TRPC4: variants seen among roughly 807,000 people sequenced by gnomAD.
TRPC4 encodes the protein transient receptor potential cation channel subfamily C member 4.
Under a neutral mutation model 99.4 loss-of-function variants are expected in TRPC4, and 49 were observed. The ratio of observed to expected loss-of-function variants is 0.49; its 90% CI spans 0.39 to 0.63. The LOEUF is 0.63. Ranked by LOEUF, TRPC4 falls within the 20% of genes least tolerant of loss-of-function variation. TRPC4 has a pLI of 0.00. For missense variants in TRPC4, 898 were observed against 1,152.9 expected, an observed-to-expected ratio of 0.78 and a Z score of 3.20; for synonymous variants, 454 against 425.9, an observed-to-expected ratio of 1.07 and a Z score of -0.81.
At chr13:37,778,432 T>C (rs1956761971) in intron 2 of TRPC4, among the ~76,000 whole-genome samples, 1 of 151,962 alleles carries the variant, frequency 6.6e-6, no homozygotes, top group African/African-American at 2.4e-5. Context: ...AGTATTAATA[T>C]TGTTGTTATT....
At chr13:37,792,974 AG>A (rs895325662) in intron 1 of TRPC4, among the ~76,000 whole-genome samples, 19 of 152,138 alleles carry the variant, frequency 1.2e-4, no homozygotes, top group Non-Finnish European at 2.4e-4. Flanking sequence ...TGTCTGTGTG[AG>A]GGAAAAAGCC....
chr13:37,730,736 T>C (rs1268794322), intron 3 of TRPC4, among the ~76,000 whole-genome samples: 2 of 152,064 alleles, frequency 1.3e-5, no homozygotes, highest in Admixed American at 6.6e-5. Flanking sequence ...ATATGCATTG[T>C]ATTTCTAAAC....
At position 37,639,054 on chromosome 13, in the gene TRPC4, C is replaced by T. The variant is rs751051991; in HGVS notation, c.2197G>A (p.Glu733Lys). 3.1e-6 allele frequency: 5 copies of T among 1,613,508 alleles called. No homozygotes were observed. The highest frequency in any genetic ancestry group is 1.7e-5 in the Admixed American group (1 of 59,984). ...AAAATGGTTACCTTAAAGTTCTCTT[C>T]GGTCAGGCCTTCTTCAGTTTTAGCA... is the stretch of plus-strand genomic sequence containing the variant. Reference protein sequence around the residue: ...RDAKTEEGLTEENFKELKQDI... With the variant: ...RDAKTEEGLTKENFKELKQDI... The change falls in exon 10 of 11, where the codon GAA becomes AAA. Residue 733 changes from glutamate (E) to lysine (K), a missense_variant. Coordinates refer to ENST00000379705, the MANE Select transcript of TRPC4 (RefSeq NM_016179.4).
intron 3 of TRPC4, among the ~76,000 whole-genome samples, chr13:37,745,438 A>G (rs4463964): frequency 0.092 from 1,471 of 15,944 alleles, 41 homozygotes; most frequent in African/African-American, 0.15. Flanking sequence ...ATATATGCGT[A>G]TATATATATA....
At chr13:37,766,658 G>A (rs1182881628) in intron 2 of TRPC4, among the ~76,000 whole-genome samples, 5 of 151,360 alleles carry the variant, frequency 3.3e-5, no homozygotes, top group African/African-American at 1.2e-4. Context: ...TGGCTATTAT[G>A]ATTGGCTAAC....
chr13:37,787,919 A>C (rs1182553072), intron 1 of TRPC4, among the ~76,000 whole-genome samples: 1 of 152,030 alleles, frequency 6.6e-6, no homozygotes, highest in East Asian at 1.9e-4. Context: ...TTATTTTCTC[A>C]TCTTCTTTGC....
intron 4 of TRPC4, among the ~76,000 whole-genome samples, chr13:37,679,917 A>AT (rs1035999445): frequency 6.6e-6 from 1 of 152,150 alleles, no homozygotes; most frequent in Non-Finnish European, 1.5e-5. Flanking sequence ...CTTGGCACAC[A>AT]TTTTTTTCCA....
chr13:37,818,421 TAC>T (rs1957923469), intron 1 of TRPC4, among the ~76,000 whole-genome samples: 1 of 152,016 alleles, frequency 6.6e-6, no homozygotes, highest in Admixed American at 6.6e-5. Flanking sequence ...GAACCAGAAA[TAC>T]CATTTGACCC....
In TRPC4 at chr13:37,651,504, C is replaced by T. The variant is rs747494045; in HGVS notation, c.1885-45G>A. The T allele has an allele frequency of 3.9e-6, 6 of 1,537,834 alleles. No homozygotes were observed. The East Asian group carries it at 1.1e-4, about 29-fold the overall frequency. ...AACTGATGATAGGTTCCTTAATTAA[C>T]AAGGTACCATAAATCTCACAGAGAT... On this transcript the variant is annotated intron_variant, in intron 7 of 10. Coordinates refer to ENST00000379705, the MANE Select transcript of TRPC4 (RefSeq NM_016179.4).
intron 1 of TRPC4, among the ~76,000 whole-genome samples, chr13:37,803,839 T>C (rs1566182840): frequency 6.6e-6 from 1 of 152,082 alleles, no homozygotes; most frequent in Non-Finnish European, 1.5e-5. Flanking sequence ...GCTCCAAGGC[T>C]GGAAGGAACT....
intron 3 of TRPC4, among the ~76,000 whole-genome samples, chr13:37,740,701 T>C (rs1323404148): frequency 6.6e-6 from 1 of 152,202 alleles, no homozygotes; most frequent in African/African-American, 2.4e-5. Context: ...GTCTTGTTTC[T>C]TGCTTCCATA....
chr13:37,768,460 A>G (rs1956450714), intron 2 of TRPC4, among the ~76,000 whole-genome samples: 6 of 151,476 alleles, frequency 4.0e-5, no homozygotes. Context: ...CTTTTTCACA[A>G]CTAAAGAAAA....
chr13:37,686,502 T>G (rs995665714), intron 4 of TRPC4, among the ~76,000 whole-genome samples: 1 of 152,116 alleles, frequency 6.6e-6, no homozygotes, highest in Non-Finnish European at 1.5e-5. Flanking sequence ...TCTATGAATA[T>G]TTATCTAGAT....
intron 1 of TRPC4, among the ~76,000 whole-genome samples, chr13:37,784,651 C>A (rs996715217): frequency 2.6e-5 from 4 of 151,858 alleles, no homozygotes; most frequent in African/African-American, 9.7e-5. Flanking sequence ...TTTAAATGAT[C>A]TTTTCAACCC....
At chr13:37,844,542 GTCTCAGCC>G (rs1958835766) in intron 1 of TRPC4, among the ~76,000 whole-genome samples, 1 of 152,092 alleles carries the variant, frequency 6.6e-6, no homozygotes, top group Non-Finnish European at 1.5e-5. Context: ...CGATTCACCT[GTCTCAGCC>G]TCCCAAAGTG....
At chr13:37,706,467 C>T (rs1264925386) in intron 3 of TRPC4, among the ~76,000 whole-genome samples, 1 of 152,074 alleles carries the variant, frequency 6.6e-6, no homozygotes, top group Non-Finnish European at 1.5e-5. Context: ...GAAGTCAGTG[C>T]TTAGAAGCTA....
At chr13:37,790,116 CTCAGTTTGTAAAATA>C (rs2139382800) in intron 1 of TRPC4, among the ~76,000 whole-genome samples, 1 of 152,168 alleles carries the variant, frequency 6.6e-6, no homozygotes, top group South Asian at 2.1e-4. Context: ...ATGAAACTCT[CTCAGTTTGTAAAATA>C]TAAAAGTTAA....
chr13:37,699,956 G>GTT (rs1198430049), intron 3 of TRPC4, among the ~76,000 whole-genome samples: 1 of 151,946 alleles, frequency 6.6e-6, no homozygotes, highest in African/African-American at 2.4e-5. Flanking sequence ...TAAAGCATGT[G>GTT]TGTGGGTGAT....
intron 8 of TRPC4, among the ~76,000 whole-genome samples, chr13:37,642,395 C>T (rs1453599063): frequency 6.6e-6 from 1 of 152,140 alleles, no homozygotes; most frequent in Non-Finnish European, 1.5e-5. Context: ...GTACCTCCTA[C>T]AACATGTCGC....
Sources: allele counts gnomAD v4.1 joint callset (sites outside exome capture counted in the v4.1 genomes callset), GRCh38; gene constraint gnomAD v4.1.1; transcripts MANE v1.5; gene names NCBI Gene and HGNC (gene_info 2026-07-23, HGNC 2026-07-21).